The following STPG2 variants were observed in gnomAD, a reference collection of about 807,000 sequenced individuals.
STPG2 encodes the protein sperm tail PG-rich repeat containing 2.
A neutral mutation model predicts 54.2 loss-of-function variants in STPG2; 56 were observed. That is an observed-to-expected ratio of 1.03 (90% CI 0.83 to 1.29). STPG2 has a LOEUF of 1.29. Among genes scored for constraint, STPG2 ranks in the 50% most tolerant of loss-of-function variants. The pLI is 0.00. For synonymous variants in STPG2, 200 were observed against 181.8 expected, an observed-to-expected ratio of 1.10 and a Z score of -0.81; for missense variants, 596 against 544.9, an observed-to-expected ratio of 1.09 and a Z score of -0.93.
intron 4 of STPG2, among the ~76,000 whole-genome samples, chr4:97,482,081 T>G (rs1284383825): frequency 1.3e-5 from 2 of 151,626 alleles, no homozygotes; most frequent in Admixed American, 1.3e-4. Flanking sequence ...TTTGGTATCT[T>G]TTAAGATAAT....
chr4:97,471,410 AAT>A (rs531632176), intron 4 of STPG2, among the ~76,000 whole-genome samples: 84 of 152,300 alleles, frequency 5.5e-4, no homozygotes, highest in Middle Eastern at 3.4e-3. Flanking sequence ...AAACAATAAA[AAT>A]AGTCATATTC....
intron 5 of STPG2, among the ~76,000 whole-genome samples, chr4:97,999,071 C>T (rs1735332958): frequency 6.6e-6 from 1 of 151,938 alleles, no homozygotes; most frequent in Non-Finnish European, 1.5e-5. Context: ...GTAATCGAAC[C>T]CTGTCTGACA....
chr4:97,542,242 G>A (rs1387914567), intron 4 of STPG2, among the ~76,000 whole-genome samples: 1 of 152,146 alleles, frequency 6.6e-6, no homozygotes, highest in East Asian at 1.9e-4. Context: ...CTAATATCCA[G>A]AATCTACAAA....
intron 9 of STPG2, among the ~76,000 whole-genome samples, chr4:97,823,490 T>C (rs1728149149): frequency 6.6e-6 from 1 of 152,238 alleles, no homozygotes; most frequent in Non-Finnish European, 1.5e-5. Flanking sequence ...AGAAAAAGAT[T>C]CCTTTTCAAA....
At chr4:98,006,916 T>A in intron 5 of STPG2, among the ~76,000 whole-genome samples, 1 of 152,208 alleles carries the variant, frequency 6.6e-6, no homozygotes, top group East Asian at 1.9e-4. Flanking sequence ...TGCAAAGAAA[T>A]TGGTGCAGAA....
intron 8 of STPG2, among the ~76,000 whole-genome samples, chr4:97,859,637 G>C (rs1248426792): frequency 1.3e-5 from 2 of 151,774 alleles, no homozygotes; most frequent in African/African-American, 4.8e-5. Context: ...GCTAATTTTT[G>C]TATTTTTAGT....
chr4:97,972,280 C>A lies in STPG2; in HGVS notation c.933G>T (p.Gln311His). 6.4e-7 allele frequency: 1 copy of A among 1,570,870 alleles called. No individual in the cohort carries two copies. Among genetic ancestry groups the A allele is most frequent in the Non-Finnish European group, 8.6e-7 (1 of 1,158,686 alleles). Residue 311 changes from glutamine (Q) to histidine (H), a missense_variant and splice_region_variant, in exon 7 of 11, where the codon CAG (glutamine) becomes CAT (histidine). Coordinates refer to ENST00000295268, the MANE Select transcript of STPG2 (RefSeq NM_174952.3). The stretch of plus-strand genomic sequence containing the variant: ...TATTATTTTTGTATGAATGTATTAC[C>A]TGATAATCAGCAGGTCCAGGGGTAG... Reference protein sequence around the residue: ...ACATPGPADYQEFWHSQGVGI... With the variant: ...ACATPGPADYHEFWHSQGVGI...
intron 8 of STPG2, among the ~76,000 whole-genome samples, chr4:97,863,189 T>C (rs1729625844): frequency 6.6e-6 from 1 of 152,060 alleles, no homozygotes; most frequent in Admixed American, 6.6e-5. Flanking sequence ...ATGAAATTGA[T>C]AGACCGCTAG....
chr4:97,898,274 G>C (rs1267680731), intron 8 of STPG2, among the ~76,000 whole-genome samples: 2 of 151,840 alleles, frequency 1.3e-5, no homozygotes, highest in Non-Finnish European at 2.9e-5. Context: ...GTCTGCTTTT[G>C]TATCCTTTGC....
At chr4:97,474,162 A>C (rs914094402) in intron 4 of STPG2, among the ~76,000 whole-genome samples, 1 of 152,052 alleles carries the variant, frequency 6.6e-6, no homozygotes, top group Non-Finnish European at 1.5e-5. Flanking sequence ...TGTTGATTGA[A>C]GGGTTGTCTG....
chr4:97,779,263 G>T (rs1726508369), intron 9 of STPG2, among the ~76,000 whole-genome samples: 1 of 152,214 alleles, frequency 6.6e-6, no homozygotes, highest in Non-Finnish European at 1.5e-5. Flanking sequence ...GAAAGCCATG[G>T]CATGAGAACT....
intron 10 of STPG2, among the ~76,000 whole-genome samples, chr4:97,588,360 G>GTATTTTGCTT (rs1472243769): frequency 1.3e-5 from 2 of 151,924 alleles, no homozygotes; most frequent in African/African-American, 4.8e-5. Flanking sequence ...CAAGGCAGAT[G>GTATTTTGCTT]TATTTTGCTT....
chr4:97,916,516 T>A (rs1731882796), intron 8 of STPG2: 1 of 152,552 alleles, frequency 6.6e-6, no homozygotes, highest in African/African-American at 2.4e-5. Flanking sequence ...GACGGGAAAG[T>A]TCATTTCTTT....
intron 5 of STPG2, among the ~76,000 whole-genome samples, chr4:98,067,834 T>C (rs912757817): frequency 5.9e-5 from 9 of 152,212 alleles, no homozygotes; most frequent in Non-Finnish European, 7.3e-5. Context: ...TCATGCTTTA[T>C]TGGTTATTAT....
intron 8 of STPG2, among the ~76,000 whole-genome samples, chr4:97,934,890 C>A (rs1425506094): frequency 6.6e-6 from 1 of 151,986 alleles, no homozygotes; most frequent in Non-Finnish European, 1.5e-5. Flanking sequence ...TAAGGAGAAG[C>A]CCCACCTTTT....
Position 97,919,413 on chromosome 4 carries a change from T to C in STPG2, c.1044+24484A>G, listed in dbSNP as rs12643706. The stretch of plus-strand genomic sequence containing the variant: ...TTTTCTTTAAAAAGAGTATAAATAT[T>C]GATAAACTCCTAGTAAGACTTATTA... On this transcript the variant is annotated intron_variant, in intron 8 of 10. Transcript: ENST00000295268. 1.8e-3 allele frequency among the ~76,000 whole-genome samples: 265 copies of C among 150,880 alleles called. 6 individuals carry two copies. In the East Asian group the frequency reaches 0.051, roughly 29 times the overall value.
At chr4:97,818,698 T>G (rs1452469875) in intron 9 of STPG2, among the ~76,000 whole-genome samples, 1 of 151,862 alleles carries the variant, frequency 6.6e-6, no homozygotes, top group Non-Finnish European at 1.5e-5. Flanking sequence ...AAATACCACT[T>G]CATCAGTTTT....
intron 10 of STPG2, among the ~76,000 whole-genome samples, chr4:97,688,431 A>G (rs948400255): frequency 6.6e-6 from 1 of 152,118 alleles, no homozygotes; most frequent in African/African-American, 2.4e-5. Context: ...CAGTAGCGCA[A>G]TCTCGGCTCA....
chr4:97,856,957 C>G (rs1191649306), intron 8 of STPG2, among the ~76,000 whole-genome samples: 2 of 152,092 alleles, frequency 1.3e-5, no homozygotes, highest in Non-Finnish European at 2.9e-5. Flanking sequence ...TGATGAATCA[C>G]ATTTATTGAT....
Sources: allele counts gnomAD v4.1 joint callset (sites outside exome capture counted in the v4.1 genomes callset), GRCh38; gene constraint gnomAD v4.1.1; transcripts MANE v1.5; gene names NCBI Gene and HGNC (gene_info 2026-07-23, HGNC 2026-07-21).